UNC13C: variants seen among roughly 807,000 people sequenced by gnomAD.
UNC13C encodes the protein unc-13 homolog C.
UNC13C carries 174 observed loss-of-function variants against 245.4 expected under a neutral mutation model. That is an observed-to-expected ratio of 0.71 (90% CI 0.63 to 0.80). UNC13C has a LOEUF of 0.80. Ranked by LOEUF, UNC13C falls within the 30% of genes least tolerant of loss-of-function variation. The pLI, the probability that UNC13C is intolerant of heterozygous loss-of-function variation, is 0.00. For synonymous variants in UNC13C, 992 were observed against 895.1 expected (o/e 1.11, Z -1.93); for missense variants, 2,829 against 2,602.9 (o/e 1.09, Z -1.89).
intron 13 of UNC13C, among the ~76,000 whole-genome samples, chr15:54,321,738 A>C (rs12917191): frequency 0.71 from 108,409 of 151,822 alleles, 39,500 homozygotes; most frequent in African/African-American, 0.78. Flanking sequence ...GGCAAATTAC[A>C]CTCTAATTAA....
At chr15:54,144,658 T>C (rs903909225) in intron 4 of UNC13C, among the ~76,000 whole-genome samples, 5 of 152,182 alleles carry the variant, frequency 3.3e-5, no homozygotes, top group Admixed American at 6.5e-5. Flanking sequence ...TTTCTCTTTT[T>C]CCATTTAACA....
intron 2 of UNC13C, among the ~76,000 whole-genome samples, chr15:54,046,324 AG>A (rs962718559): frequency 3.3e-5 from 5 of 152,314 alleles, no homozygotes; most frequent in African/African-American, 1.2e-4. Flanking sequence ...TATTCTCCAT[AG>A]GGATTACATC....
intron 2 of UNC13C, among the ~76,000 whole-genome samples, chr15:54,047,537 G>A (rs1032862859): frequency 5.9e-5 from 9 of 152,042 alleles, no homozygotes; most frequent in South Asian, 2.1e-4. Context: ...ATGTCACTAA[G>A]CATAGGTTTT....
At chr15:54,187,867 T>C (rs972291091) in intron 4 of UNC13C, among the ~76,000 whole-genome samples, 4 of 152,152 alleles carry the variant, frequency 2.6e-5, no homozygotes, top group African/African-American at 9.7e-5. Flanking sequence ...TGGAGTACAG[T>C]GGCACAATTT....
Position 54,522,522 on chromosome 15 carries a change from G to A in UNC13C, c.5458-3027G>A, listed in dbSNP as rs370556069. ...AACAACAACAACAACAAAAAGTCTT[G>A]CCTACTAGCTGGCTCTCCCAGACAA... is the stretch of plus-strand genomic sequence containing the variant. On this transcript the variant is annotated intron_variant, in intron 24 of 32. Transcript: ENST00000260323. 8.0e-4 allele frequency among the ~76,000 whole-genome samples: 121 copies of A among 152,024 alleles called. 1 individual carries two copies. Among genetic ancestry groups the A allele is most frequent in the Middle Eastern group, 6.8e-3 (2 of 294 alleles).
chr15:54,575,993 G>A (rs1897942969), intron 30 of UNC13C, among the ~76,000 whole-genome samples: 1 of 152,192 alleles, frequency 6.6e-6, no homozygotes, highest in African/African-American at 2.4e-5. Flanking sequence ...CCTTTAATAA[G>A]AGGGGTACTG....
intron 4 of UNC13C, among the ~76,000 whole-genome samples, chr15:54,165,308 T>C (rs1171252243): frequency 1.3e-5 from 2 of 152,200 alleles, no homozygotes; most frequent in African/African-American, 2.4e-5. Flanking sequence ...TTACTATATG[T>C]ATATATTTCA....
chr15:54,027,104 C>G (rs1896142815), intron 2 of UNC13C, among the ~76,000 whole-genome samples: 1 of 149,908 alleles, frequency 6.7e-6, no homozygotes, highest in Admixed American at 6.7e-5. Flanking sequence ...AAGATCCCCT[C>G]AGGCAGAGGA....
At chr15:54,476,336 G>A (rs928387642) in intron 19 of UNC13C, among the ~76,000 whole-genome samples, 5 of 146,466 alleles carry the variant, frequency 3.4e-5, no homozygotes, top group Admixed American at 2.7e-4. Flanking sequence ...GTCAATTTTG[G>A]CTTTTGTTGC....
At chr15:54,218,147 T>G (rs2035099714) in intron 4 of UNC13C, among the ~76,000 whole-genome samples, 2 of 152,054 alleles carry the variant, frequency 1.3e-5, no homozygotes, top group African/African-American at 4.8e-5. Context: ...AAACAATTGT[T>G]CTCAGACATT....
At chr15:54,192,928 A>G (rs1286861262) in intron 4 of UNC13C, among the ~76,000 whole-genome samples, 1 of 152,096 alleles carries the variant, frequency 6.6e-6, no homozygotes, top group Non-Finnish European at 1.5e-5. Context: ...ACAAACACAA[A>G]CAATAAGATG....
chr15:54,523,933 A>G (rs1384185270), intron 24 of UNC13C, among the ~76,000 whole-genome samples: 1 of 152,178 alleles, frequency 6.6e-6, no homozygotes, highest in Non-Finnish European at 1.5e-5. Context: ...TAAAATTGTT[A>G]TTAGCACAAT....
At chr15:54,426,795 C>T (rs546422885) in intron 19 of UNC13C, among the ~76,000 whole-genome samples, 1 of 151,876 alleles carries the variant, frequency 6.6e-6, no homozygotes, top group African/African-American at 2.4e-5. Flanking sequence ...GTTTTGTCAA[C>T]TCTGTACATC....
intron 4 of UNC13C, among the ~76,000 whole-genome samples, chr15:54,196,760 G>A (rs2034366244): frequency 6.6e-6 from 1 of 152,086 alleles, no homozygotes; most frequent in Admixed American, 6.6e-5. Context: ...AGTCATTCAA[G>A]ACTAAAAGTC....
At chr15:54,585,728 G>A (rs543060483) in intron 30 of UNC13C, among the ~76,000 whole-genome samples, 55 of 152,264 alleles carry the variant, frequency 3.6e-4, no homozygotes, top group Admixed American at 9.2e-4. Context: ...TGAGATGCAC[G>A]TCTCAGGAAA....
At chr15:54,246,193 A>T (rs2035985893) in intron 7 of UNC13C, among the ~76,000 whole-genome samples, 1 of 152,166 alleles carries the variant, frequency 6.6e-6, no homozygotes, top group South Asian at 2.1e-4. Context: ...TATTAGTGCA[A>T]CTTACTTTAA....
intron 1 of UNC13C, among the ~76,000 whole-genome samples, chr15:54,011,493 A>C (rs1349912486): frequency 6.6e-6 from 1 of 152,226 alleles, no homozygotes; most frequent in Non-Finnish European, 1.5e-5. Context: ...TAATTTATCT[A>C]CCTGATTGCA....
intron 24 of UNC13C, 127 bp from the exon 25 acceptor site, chr15:54,525,422 A>G (rs1193240785): frequency 1.7e-6 from 1 of 582,652 alleles, no homozygotes; most frequent in Non-Finnish European, 2.8e-6. Context: ...CAAAAAAAAA[A>G]AAAAAGAAGA....
chr15:54,293,164 G>A (rs903826238), intron 10 of UNC13C, among the ~76,000 whole-genome samples: 3 of 151,822 alleles, frequency 2.0e-5, no homozygotes, highest in African/African-American at 7.2e-5. Context: ...ATAAGTTGCA[G>A]GAAAAGTGAT....
Sources: gnomAD v4.1 joint callset for allele counts (sites outside exome capture counted in the v4.1 genomes callset) on GRCh38, gnomAD v4.1.1 for gene constraint, MANE v1.5 for transcripts, NCBI Gene and HGNC (gene_info 2026-07-23, HGNC 2026-07-21) for gene names.